The following CNTN5 variants were observed in gnomAD, a reference collection of about 807,000 sequenced individuals.
CNTN5 encodes contactin-5.
A neutral mutation model predicts 129.1 loss-of-function variants in CNTN5; 77 were observed. The ratio of observed to expected loss-of-function variants is 0.60; its 90% CI spans 0.50 to 0.72. The LOEUF (loss-of-function observed/expected upper bound fraction) is 0.72, where lower values mean the gene tolerates loss of function less well. CNTN5 is among the 30% of genes least tolerant of loss of function. CNTN5 has a pLI of 0.00. For synonymous variants in CNTN5, 509 were observed against 465.6 expected (o/e 1.09, Z -1.20); for missense variants, 1,478 against 1,328.8 (o/e 1.11, Z -1.75).
rs532624013 is a variant in CNTN5, at chr11:99,298,294, C to A, written c.-209-27052C>A. On this transcript the variant is annotated intron_variant, in intron 1 of 24. Coordinates refer to ENST00000524871, the MANE Select transcript of CNTN5 (RefSeq NM_014361.4). Reference sequence around the variant, plus strand: ...CTCCAGGGGTGCCTCGTGGTCAGAACAAATTTATAGACAAAAAAGGTAAAA... The same window carrying A: ...CTCCAGGGGTGCCTCGTGGTCAGAAAAAATTTATAGACAAAAAAGGTAAAA... Among the ~76,000 whole-genome samples, 3 of 152,210 alleles carry A rather than the reference C, an allele frequency of 2.0e-5. No homozygotes were observed. The East Asian group carries it at 5.8e-4, about 29-fold the overall frequency.
chr11:99,590,584 A>G (rs1949947562), intron 3 of CNTN5, among the ~76,000 whole-genome samples: 1 of 152,266 alleles, frequency 6.6e-6, no homozygotes, highest in South Asian at 2.1e-4. Context: ...AGATCTCTGT[A>G]CAAATTATGT....
rs141229841 is a variant in CNTN5 at position 99,106,614 on chromosome 11, G to A, written c.-210+85344G>A. Among the ~76,000 whole-genome samples the A allele has an allele frequency of 1.3e-3, 201 of 152,094 alleles. 1 individual carries two copies. The highest frequency in any genetic ancestry group is 4.6e-3 in the African/African-American group (193 of 41,516). Reference sequence around the variant, plus strand: ...TATAGACCTATACACAGACATATATGTGTATATGTCACATTCTTATCTGGA... The same window carrying A: ...TATAGACCTATACACAGACATATATATGTATATGTCACATTCTTATCTGGA... On this transcript the variant is annotated intron_variant, in intron 1 of 24. Transcript: ENST00000524871.
chr11:100,170,778 C>T (rs916718495), intron 13 of CNTN5, among the ~76,000 whole-genome samples: 4 of 151,204 alleles, frequency 2.6e-5, no homozygotes, highest in Admixed American at 6.6e-5. Flanking sequence ...GAGAAAGAAA[C>T]TTAAACTTCA....
At chr11:99,736,496 G>T (rs1471780227) in intron 3 of CNTN5, among the ~76,000 whole-genome samples, 9 of 152,004 alleles carry the variant, frequency 5.9e-5, no homozygotes, top group Non-Finnish European at 1.3e-4. Flanking sequence ...CTCAAAATGG[G>T]GTCAAAACAG....
chr11:99,781,778 C>G (rs1043364505), intron 3 of CNTN5, among the ~76,000 whole-genome samples: 9 of 151,980 alleles, frequency 5.9e-5, no homozygotes, highest in East Asian at 2.0e-4. Context: ...ATTCAACAAC[C>G]CTTCATGCTA....
chr11:99,437,279 T>A (rs1943636631), intron 2 of CNTN5, among the ~76,000 whole-genome samples: 1 of 152,200 alleles, frequency 6.6e-6, no homozygotes, highest in African/African-American at 2.4e-5. Context: ...TAGGAATGGC[T>A]ACTGGTATGA....
At chr11:99,026,412 T>C (rs1026886584) in intron 1 of CNTN5, among the ~76,000 whole-genome samples, 4 of 151,624 alleles carry the variant, frequency 2.6e-5, no homozygotes, top group Non-Finnish European at 5.9e-5. Flanking sequence ...TTTTCAATGA[T>C]AAGAATTTCA....
chr11:99,689,530 GAA>G (rs368912453), intron 3 of CNTN5, among the ~76,000 whole-genome samples: 134 of 92,902 alleles, frequency 1.4e-3, no homozygotes, highest in African/African-American at 5.1e-3. Context: ...CCTCAAAAAA[GAA>G]AAAAAAAAAA....
chr11:99,529,010 G>A (rs1170297581), intron 2 of CNTN5, among the ~76,000 whole-genome samples: 12 of 152,194 alleles, frequency 7.9e-5, no homozygotes, highest in African/African-American at 4.8e-5. Context: ...GGGAGGCAGA[G>A]GTTGCAGTGA....
At chr11:100,003,310 C>G (rs1029497267) in intron 9 of CNTN5, among the ~76,000 whole-genome samples, 3 of 151,986 alleles carry the variant, frequency 2.0e-5, no homozygotes, top group African/African-American at 7.2e-5. Flanking sequence ...TCTGAGGAAG[C>G]CTCCTAAACC....
chr11:99,688,212 A>C (rs2134760088), intron 3 of CNTN5, among the ~76,000 whole-genome samples: 1 of 152,296 alleles, frequency 6.6e-6, no homozygotes, highest in African/African-American at 2.4e-5. Context: ...AAATGTATTT[A>C]GTTTTAATAA....
intron 2 of CNTN5, among the ~76,000 whole-genome samples, chr11:99,505,383 C>G (rs1591179292): frequency 1.3e-5 from 2 of 152,248 alleles, no homozygotes; most frequent in East Asian, 3.9e-4. Context: ...TCCTGCTTTG[C>G]TGAATAGTAT....
At chr11:99,955,163 AAAAT>A (rs1222754499) in intron 7 of CNTN5, among the ~76,000 whole-genome samples, 1 of 150,842 alleles carries the variant, frequency 6.6e-6, no homozygotes, top group Non-Finnish European at 1.5e-5. Flanking sequence ...TAAATTATCT[AAAAT>A]AAATATATAT....
In CNTN5 at chr11:99,067,403, A is replaced by G. The variant is rs1197287342; in HGVS notation, c.-210+46133A>G. On this transcript the variant is annotated intron_variant, in intron 1 of 24. Transcript: ENST00000524871. ...CTGCCAATGGAGACATGTGCAAGGGAAGCAGACAATCAATGTTGACTAAAA... is the reference window on the plus strand; with the variant it reads ...CTGCCAATGGAGACATGTGCAAGGGGAGCAGACAATCAATGTTGACTAAAA... Among the ~76,000 whole-genome samples, 3 of 148,408 alleles carry G rather than the reference A, an allele frequency of 2.0e-5. No individual in the cohort carries two copies. The East Asian group carries it at 6.0e-4, about 30-fold the overall frequency.
intron 2 of CNTN5, among the ~76,000 whole-genome samples, chr11:99,441,794 A>G (rs1943839830): frequency 6.6e-6 from 1 of 151,944 alleles, no homozygotes; most frequent in South Asian, 2.1e-4. Flanking sequence ...TTGGCTCAGA[A>G]CTCTTTTTTT....
chr11:100,097,743 G>A lies in CNTN5; in HGVS notation c.1580+23449G>A, dbSNP rs1234966464. ...GTTCTTTAGAAATAATAAATGTTGT[G>A]TTTCTTTAATTTTTAGGGACTGAGA... On this transcript the variant is annotated intron_variant, in intron 13 of 24. Coordinates refer to ENST00000524871, the MANE Select transcript of CNTN5 (RefSeq NM_014361.4). 2.0e-5 allele frequency among the ~76,000 whole-genome samples: 3 copies of A among 152,124 alleles called. 1 individual carries two copies. Among genetic ancestry groups the A allele is most frequent in the Middle Eastern group, 6.8e-3 (2 of 294 alleles).
chr11:99,762,323 G>C (rs1591118298), intron 3 of CNTN5, among the ~76,000 whole-genome samples: 1 of 151,700 alleles, frequency 6.6e-6, no homozygotes, highest in East Asian at 1.9e-4. Flanking sequence ...TGGTGTTTTA[G>C]ACATGAAGTC....
At chr11:100,213,869 A>C (rs536284833) in intron 15 of CNTN5, among the ~76,000 whole-genome samples, 264 of 152,266 alleles carry the variant, frequency 1.7e-3, no homozygotes, top group Non-Finnish European at 2.5e-3. Flanking sequence ...GGATGCTATC[A>C]CCCATTTTCT....
intron 18 of CNTN5, among the ~76,000 whole-genome samples, chr11:100,289,086 A>G (rs1190218813): frequency 6.6e-6 from 1 of 152,184 alleles, no homozygotes; most frequent in Non-Finnish European, 1.5e-5. Context: ...GAACAGACCA[A>G]TAACAGGATC....
Sources: gnomAD v4.1 joint callset for allele counts (sites outside exome capture counted in the v4.1 genomes callset) on GRCh38, gnomAD v4.1.1 for gene constraint, MANE v1.5 for transcripts, NCBI Gene and HGNC (gene_info 2026-07-23, HGNC 2026-07-21) for gene names.